Variants in PRKAR1A observed in about 807,000 individuals in gnomAD.
PRKAR1A encodes the protein protein kinase cAMP-dependent type I regulatory subunit alpha.
PRKAR1A carries 3 observed loss-of-function variants against 52.0 expected under a neutral mutation model. The ratio of observed to expected loss-of-function variants is 0.06; its 90% CI spans 0.03 to 0.15. The LOEUF (loss-of-function observed/expected upper bound fraction) is 0.15. Ranked by LOEUF, PRKAR1A falls within the 10% of genes least tolerant of loss-of-function variation. The pLI is 1.00. For synonymous variants in PRKAR1A, 188 were observed against 168.4 expected (o/e 1.12, Z -0.90); for missense variants, 240 against 477.4 (o/e 0.50, Z 4.63).
At chr17:68,545,712 C>G (rs2086523643) in intron 11 of PRKAR1A, among the ~76,000 whole-genome samples, 1 of 152,222 alleles carries the variant, frequency 6.6e-6, no homozygotes, top group Admixed American at 6.5e-5. Flanking sequence ...AGTAGAACTT[C>G]TGTCAAAATT....
At chr17:68,527,812 A>G in intron 7 of PRKAR1A, 28 bp from the exon 8 acceptor site, 2 of 1,553,100 alleles carry the variant, frequency 1.3e-6, no homozygotes, top group Non-Finnish European at 1.8e-6. Flanking sequence ...CGTCTTGGGG[A>G]TATCACTTTT....
chr17:68,515,903 A>C, intron 2 of PRKAR1A: 1 of 267,328 alleles, frequency 3.7e-6, no homozygotes, highest in South Asian at 4.3e-5. Flanking sequence ...TCTATGAATA[A>C]GAAATTCTAT....
chr17:68,457,504 G>C, the PRKAR1A span: 1 of 1,212,348 alleles, frequency 8.2e-7, no homozygotes, highest in African/African-American at 1.7e-5. Flanking sequence ...CACGGGCCGG[G>C]TCGCCGGTCC....
At chr17:68,551,197 C>CA (rs1433666797) in exon 12 of PRKAR1A, 2 of 1,115,864 alleles carry the variant, frequency 1.8e-6, no homozygotes, top group African/African-American at 3.2e-5. Flanking sequence ...AACCCAAACT[C>CA]ACACCAAGCT....
At chr17:68,433,073 T>C in the PRKAR1A span, among the ~76,000 whole-genome samples, 1 of 152,256 alleles carries the variant, frequency 6.6e-6, no homozygotes, top group Non-Finnish European at 1.5e-5. Context: ...TATATTGTTA[T>C]ATTTACAGCT....
At chr17:68,540,267 C>T (rs1032402128) in intron 11 of PRKAR1A, among the ~76,000 whole-genome samples, 6 of 152,200 alleles carry the variant, frequency 3.9e-5, no homozygotes, top group Non-Finnish European at 7.3e-5. Context: ...ATCTTTTCAC[C>T]TCGTGTATGT....
rs547882467 is a variant in PRKAR1A, at chr17:68,546,552, T to C, written c.974-4532T>C. On this transcript the variant is annotated intron_variant, in intron 11 of 11. Coordinates refer to the PRKAR1A transcript ENST00000585981. Reference sequence around the variant, plus strand: ...TATTTCTTAAATTGTAAGACTTGGCTGGGCGTGGTGGCTCGCGCCTATAAT... The same window carrying C: ...TATTTCTTAAATTGTAAGACTTGGCCGGGCGTGGTGGCTCGCGCCTATAAT... Among the ~76,000 whole-genome samples the C allele has an allele frequency of 1.4e-4, 21 of 152,162 alleles. 1 individual carries two copies. The highest frequency in any genetic ancestry group is 7.7e-4 in the East Asian group (4 of 5,188).
the PRKAR1A span, chr17:68,444,558 T>C: frequency 1.2e-6 from 2 of 1,613,994 alleles, no homozygotes; most frequent in South Asian, 1.1e-5. Flanking sequence ...GTTGTGAATA[T>C]AAATGGACTC....
chr17:68,523,660 C>G lies in PRKAR1A; in HGVS notation c.349-65C>G, dbSNP rs990488093. 1.3e-5 allele frequency: 16 copies of G among 1,243,530 alleles called. No individual in the cohort carries two copies. In the African/African-American group the frequency reaches 1.5e-4, roughly 11 times the overall value. The allele number at this position is 1,243,530 out of a possible 1,614,324, so 77.0% of individuals were successfully genotyped here. A position where few individuals can be genotyped will look rare whatever the true frequency, so the allele number is the denominator to read the frequency against. On this transcript the variant is annotated intron_variant, in intron 3 of 10. Transcript: ENST00000589228. ...TGTGGCTTGACATTTAATTGAAGCG[C>G]AGGTTGCAAACGTGAAATGTTTTTG...
chr17:68,491,442 G>C, the PRKAR1A span, among the ~76,000 whole-genome samples: 1 of 152,262 alleles, frequency 6.6e-6, no homozygotes, highest in African/African-American at 2.4e-5. Flanking sequence ...TCTTCAAGTA[G>C]ACAAGAAGCC....
chr17:68,478,313 A>G, the PRKAR1A span, among the ~76,000 whole-genome samples: 1 of 152,068 alleles, frequency 6.6e-6, no homozygotes, highest in African/African-American at 2.4e-5. Context: ...TTAGCTGGGC[A>G]TGGTGGCGTG....
chr17:68,517,455 T>C (rs2085468204), intron 2 of PRKAR1A, among the ~76,000 whole-genome samples: 1 of 152,198 alleles, frequency 6.6e-6, no homozygotes, highest in Non-Finnish European at 1.5e-5. Flanking sequence ...CTTACAATCA[T>C]GGCAGAAGGA....
the PRKAR1A span, among the ~76,000 whole-genome samples, chr17:68,482,718 C>T: frequency 6.6e-6 from 1 of 152,202 alleles, no homozygotes; most frequent in Non-Finnish European, 1.5e-5. Flanking sequence ...CTTTGTGTGT[C>T]TATCCATTGG....
At chr17:68,468,577 A>G in the PRKAR1A span, among the ~76,000 whole-genome samples, 34 of 152,314 alleles carry the variant, frequency 2.2e-4, no homozygotes, top group African/African-American at 6.5e-4. Context: ...CATTGGCTAA[A>G]GCTGAATGCA....
chr17:68,549,384 C>T (rs2086726996), intron 11 of PRKAR1A, among the ~76,000 whole-genome samples: 1 of 151,892 alleles, frequency 6.6e-6, no homozygotes, highest in East Asian at 1.9e-4. Context: ...ATCCCAGCTA[C>T]TTGGGAGGCT....
At chr17:68,481,237 G>C in the PRKAR1A span, among the ~76,000 whole-genome samples, 1 of 152,220 alleles carries the variant, frequency 6.6e-6, no homozygotes, top group Non-Finnish European at 1.5e-5. Flanking sequence ...GACTGGTTTT[G>C]TGGAAGACAA....
In PRKAR1A at chr17:68,529,980, T is replaced by C. The variant is rs754229514; in HGVS notation, c.952T>C (p.Leu318=). ...ENEEFVEVGR[L]GPSDYFGEIA... Reference sequence around the variant, plus strand: ...TGAAGAGTTTGTTGAAGTGGGAAGATTGGGGCCTTCTGATTATTTTGGTAT... The same window carrying C: ...TGAAGAGTTTGTTGAAGTGGGAAGACTGGGGCCTTCTGATTATTTTGGTAT... Residue 318 remains leucine (L), a synonymous_variant, in exon 10 of 11, where the codon TTG becomes CTG. Coordinates refer to ENST00000589228, the MANE Select transcript of PRKAR1A (RefSeq NM_002734.5). 1 of 1,614,068 alleles carries C rather than the reference T, an allele frequency of 6.2e-7. No individual in the cohort carries two copies. The highest frequency in any genetic ancestry group is 8.5e-7 in the Non-Finnish European group (1 of 1,179,954).
the PRKAR1A span, among the ~76,000 whole-genome samples, chr17:68,482,071 A>G: frequency 6.6e-6 from 1 of 152,102 alleles, no homozygotes; most frequent in African/African-American, 2.4e-5. Context: ...CCAGTGGGGG[A>G]TGTAAAAGCC....
chr17:68,425,535 G>T, the PRKAR1A span, among the ~76,000 whole-genome samples: 1 of 151,940 alleles, frequency 6.6e-6, no homozygotes, highest in African/African-American at 2.4e-5. Context: ...GTTTCTTAAT[G>T]AGTGTCTGCA....
Sources: gnomAD v4.1 joint callset for allele counts (sites outside exome capture counted in the v4.1 genomes callset) on GRCh38, gnomAD v4.1.1 for gene constraint, MANE v1.5 for transcripts, NCBI Gene and HGNC (gene_info 2026-07-23, HGNC 2026-07-21) for gene names.